UQCC1: variants seen among roughly 807,000 people sequenced by gnomAD.
UQCC1 encodes the protein bFGF-repressed Zic-binding protein.
In UQCC1, 38 loss-of-function variants were observed where a neutral mutation model predicts 48.0. The ratio of observed to expected loss-of-function variants is 0.79; its 90% confidence interval spans 0.61 to 1.04. The LOEUF (loss-of-function observed/expected upper bound fraction) is 1.04, where lower values mean the gene tolerates loss of function less well. Ranked by LOEUF, UQCC1 falls within the 50% of genes least tolerant of loss-of-function variation. UQCC1 has a pLI of 0.00. For missense variants in UQCC1, 368 were observed against 381.8 expected (o/e 0.96, Z 0.30); for synonymous variants, 111 against 129.2 (o/e 0.86, Z 0.95).
At chr20:35,314,469 A>G (rs1202981570) in intron 8 of UQCC1, among the ~76,000 whole-genome samples, 1 of 152,146 alleles carries the variant, frequency 6.6e-6, no homozygotes, top group Admixed American at 6.5e-5. Context: ...TGGTTTGACC[A>G]TATTATATAC....
intron 7 of UQCC1, among the ~76,000 whole-genome samples, chr20:35,326,386 C>T (rs923611891): frequency 2.0e-4 from 31 of 152,218 alleles, no homozygotes; most frequent in African/African-American, 6.8e-4. Flanking sequence ...CAGTGCCAAG[C>T]GCAGACAACC....
At chr20:35,352,690 T>C (rs571726474) in intron 6 of UQCC1, among the ~76,000 whole-genome samples, 3 of 104,702 alleles carry the variant, frequency 2.9e-5, no homozygotes, top group African/African-American at 8.5e-5. Context: ...GTTTGGTTTT[T>C]GTTTTTTTCA....
intron 7 of UQCC1, among the ~76,000 whole-genome samples, chr20:35,317,190 G>A (rs868735962): frequency 1.3e-5 from 2 of 151,800 alleles, no homozygotes; most frequent in Non-Finnish European, 1.5e-5. Flanking sequence ...AGCCCGCCTC[G>A]ACCTCCTAAA....
At chr20:35,350,633 T>A (rs1460070951) in intron 6 of UQCC1, among the ~76,000 whole-genome samples, 1 of 151,988 alleles carries the variant, frequency 6.6e-6, no homozygotes, top group East Asian at 1.9e-4. Flanking sequence ...GAGGCAGAGG[T>A]TGCAGTGCCA....
intron 1 of UQCC1, among the ~76,000 whole-genome samples, chr20:35,409,167 A>G (rs2062300928): frequency 6.6e-6 from 1 of 152,234 alleles, no homozygotes; most frequent in South Asian, 2.1e-4. Context: ...AGAACTGTAC[A>G]CTTAAAAAGT....
At chr20:35,354,597 A>G (rs997843675) in intron 6 of UQCC1, among the ~76,000 whole-genome samples, 1 of 151,988 alleles carries the variant, frequency 6.6e-6, no homozygotes, top group Admixed American at 6.6e-5. Flanking sequence ...GGGGTTTCAC[A>G]GTGTTAGCCA....
intron 7 of UQCC1, among the ~76,000 whole-genome samples, chr20:35,334,156 C>T (rs888497957): frequency 6.6e-6 from 1 of 152,154 alleles, no homozygotes; most frequent in African/African-American, 2.4e-5. Flanking sequence ...ATGGAGAAAA[C>T]CCAAATCTGG....
chr20:35,367,883 C>G (rs972873815), intron 5 of UQCC1, among the ~76,000 whole-genome samples: 1 of 152,146 alleles, frequency 6.6e-6, no homozygotes. Flanking sequence ...CCAGAAATGA[C>G]AAAACTGGGA....
chr20:35,315,862 G>A (rs2061052157), intron 7 of UQCC1, among the ~76,000 whole-genome samples: 1 of 152,148 alleles, frequency 6.6e-6, no homozygotes, highest in African/African-American at 2.4e-5. Context: ...CTCCAGCCTG[G>A]GCAACAGAAC....
chr20:35,411,825 C>T, intron 1 of UQCC1, 115 bp downstream of exon 1: 1 of 1,435,926 alleles, frequency 7.0e-7, no homozygotes, highest in Non-Finnish European at 9.8e-7. Context: ...GCCACTCAGC[C>T]TAGCTATAAC....
At chr20:35,310,411 G>A (rs1239344301) in intron 8 of UQCC1, among the ~76,000 whole-genome samples, 1 of 151,970 alleles carries the variant, frequency 6.6e-6, no homozygotes, top group African/African-American at 2.4e-5. Context: ...TTGGGAGGCC[G>A]AGGTGGGTGG....
intron 7 of UQCC1, among the ~76,000 whole-genome samples, chr20:35,322,444 T>C (rs1247940987): frequency 2.6e-5 from 4 of 152,138 alleles, no homozygotes; most frequent in Non-Finnish European, 4.4e-5. Context: ...AGCTCAAAAC[T>C]GTTAAGTGGC....
intron 8 of UQCC1, among the ~76,000 whole-genome samples, chr20:35,307,367 C>T (rs1030880848): frequency 2.0e-5 from 3 of 152,224 alleles, no homozygotes; most frequent in Non-Finnish European, 4.4e-5. Flanking sequence ...AGCAGGATTG[C>T]TGGGGCCACA....
intron 6 of UQCC1, among the ~76,000 whole-genome samples, chr20:35,351,062 C>T (rs565882267): frequency 3.4e-4 from 51 of 151,530 alleles, no homozygotes; most frequent in African/African-American, 1.2e-3. Context: ...AAACAAAAAA[C>T]CTGTAACCTC....
chr20:35,364,299 C>T (rs1341132859), intron 6 of UQCC1, among the ~76,000 whole-genome samples: 1 of 152,222 alleles, frequency 6.6e-6, no homozygotes, highest in East Asian at 1.9e-4. Flanking sequence ...AGTTACACCA[C>T]TTTGTGCTTC....
intron 1 of UQCC1, among the ~76,000 whole-genome samples, chr20:35,398,182 T>C (rs1009038240): frequency 6.6e-6 from 1 of 152,198 alleles, no homozygotes; most frequent in Non-Finnish European, 1.5e-5. Flanking sequence ...ACCTTCTAGC[T>C]CTAACACTAT....
chr20:35,366,663 T>C, intron 5 of UQCC1, 49 bp from the exon 6 acceptor site: 1 of 1,489,322 alleles, frequency 6.7e-7, no homozygotes, highest in African/African-American at 1.4e-5. Flanking sequence ...AAAGGAAGCA[T>C]ATTGACCATA....
chr20:35,347,737 G>A (rs2061446703), intron 6 of UQCC1, among the ~76,000 whole-genome samples: 1 of 152,170 alleles, frequency 6.6e-6, no homozygotes, highest in African/African-American at 2.4e-5. Flanking sequence ...TGGCTATTGA[G>A]CATTTTAAAT....
chr20:35,310,920 G>A (rs886503651), intron 8 of UQCC1, among the ~76,000 whole-genome samples: 7 of 146,942 alleles, frequency 4.8e-5, no homozygotes, highest in Non-Finnish European at 1.0e-4. Context: ...GGCTGGTCTC[G>A]AACTCTTGGC....
Sources: allele counts gnomAD v4.1 joint callset (sites outside exome capture counted in the v4.1 genomes callset), GRCh38; gene constraint gnomAD v4.1.1; transcripts MANE v1.5; gene names NCBI Gene and HGNC (gene_info 2026-07-23, HGNC 2026-07-21).